The following CNTNAP2 variants were observed in gnomAD, a reference collection of about 807,000 sequenced individuals.
The protein encoded by CNTNAP2 is contactin-associated protein-like 2.
CNTNAP2 carries 98 observed loss-of-function variants against 155.2 expected under a neutral mutation model. The observed-to-expected ratio is 0.63, with a 90% confidence interval of 0.54 to 0.75. CNTNAP2 has a LOEUF of 0.75. CNTNAP2 is among the 30% of genes least tolerant of loss of function. The pLI is 0.00. For missense variants in CNTNAP2, 1,727 were observed against 1,688.1 expected, an observed-to-expected ratio of 1.02 and a Z score of -0.40; for synonymous variants, 651 against 631.2, an observed-to-expected ratio of 1.03 and a Z score of -0.47.
intron 3 of CNTNAP2, among the ~76,000 whole-genome samples, chr7:146,930,608 AC>A (rs1294370637): frequency 6.6e-6 from 1 of 151,928 alleles, no homozygotes; most frequent in Non-Finnish European, 1.5e-5. Context: ...ATGTAAATGG[AC>A]TAAATTCTCC....
chr7:146,631,981 C>A (rs932407813), intron 1 of CNTNAP2, among the ~76,000 whole-genome samples: 1 of 152,094 alleles, frequency 6.6e-6, no homozygotes, highest in African/African-American at 2.4e-5. Flanking sequence ...AAAAGTATAT[C>A]ATTTACTCCA....
At chr7:146,141,111 G>A (rs374809965) in intron 1 of CNTNAP2, among the ~76,000 whole-genome samples, 1 of 152,264 alleles carries the variant, frequency 6.6e-6, no homozygotes, top group East Asian at 1.9e-4. Flanking sequence ...TGGAGGAAAC[G>A]TACTTTGCTC....
intron 3 of CNTNAP2, among the ~76,000 whole-genome samples, chr7:147,003,549 C>A (rs1798468077): frequency 6.6e-6 from 1 of 151,780 alleles, no homozygotes; most frequent in Admixed American, 6.6e-5. Context: ...GAGTTAAAAT[C>A]TCAACTAAAA....
intron 14 of CNTNAP2, among the ~76,000 whole-genome samples, chr7:147,969,748 T>C (rs1480200439): frequency 1.3e-5 from 2 of 152,144 alleles, no homozygotes; most frequent in Non-Finnish European, 2.9e-5. Context: ...TAACTTTGGC[T>C]TGAGTTATAG....
Position 146,639,519 on chromosome 7 carries a change from C to G in CNTNAP2, c.98-134752C>G, listed in dbSNP as rs558832728. ...ACTTCAGAAGGTTAAATAAAACTTG[C>G]TTGAGTGTAAAATATATTTTCTTAC... On this transcript the variant is annotated intron_variant, in intron 1 of 23. Coordinates refer to ENST00000361727, the MANE Select transcript of CNTNAP2 (RefSeq NM_014141.6). 3.7e-4 allele frequency among the ~76,000 whole-genome samples: 56 copies of G among 152,210 alleles called. 1 individual carries two copies. The South Asian group carries it at 9.7e-3, about 26-fold the overall frequency.
intron 12 of CNTNAP2, among the ~76,000 whole-genome samples, chr7:147,632,899 T>A (rs1470013943): frequency 6.6e-6 from 1 of 152,196 alleles, no homozygotes; most frequent in Non-Finnish European, 1.5e-5. Context: ...GGAGTAAAAG[T>A]GACTCTTGCT....
intron 21 of CNTNAP2, among the ~76,000 whole-genome samples, chr7:148,350,246 TA>T (rs77169090): frequency 0.64 from 97,998 of 151,982 alleles, 32,046 homozygotes; most frequent in East Asian, 0.95. Flanking sequence ...ATTCCCAATT[TA>T]TGGTTGAAAC....
At chr7:147,994,483 C>T (rs531610575) in intron 15 of CNTNAP2, among the ~76,000 whole-genome samples, 5 of 152,140 alleles carry the variant, frequency 3.3e-5, no homozygotes, top group African/African-American at 1.2e-4. Flanking sequence ...TTCCATAATT[C>T]CCATGTGTTA....
At chr7:148,200,344 G>T (rs1483652670) in intron 18 of CNTNAP2, among the ~76,000 whole-genome samples, 1 of 151,434 alleles carries the variant, frequency 6.6e-6, no homozygotes, top group Non-Finnish European at 1.5e-5. Flanking sequence ...TTTAAATGTG[G>T]CTACAAAAGA....
intron 8 of CNTNAP2, among the ~76,000 whole-genome samples, chr7:147,199,347 A>G (rs1477348756): frequency 3.9e-5 from 6 of 152,218 alleles, no homozygotes; most frequent in Admixed American, 3.9e-4. Flanking sequence ...TGAATAATTA[A>G]TAGTATTAAA....
chr7:147,562,666 A>G (rs771593825), intron 12 of CNTNAP2, among the ~76,000 whole-genome samples: 15 of 152,216 alleles, frequency 9.9e-5, no homozygotes, highest in Non-Finnish European at 1.9e-4. Context: ...CTCCATAATG[A>G]TAGAAGAAAT....
At chr7:147,889,422 A>G (rs1305027731) in intron 13 of CNTNAP2, among the ~76,000 whole-genome samples, 2 of 152,130 alleles carry the variant, frequency 1.3e-5, no homozygotes, top group African/African-American at 4.8e-5. Context: ...TCTGAAAGAA[A>G]GATGATAGAA....
At chr7:146,471,139 G>A (rs1300203737) in intron 1 of CNTNAP2, among the ~76,000 whole-genome samples, 1 of 152,118 alleles carries the variant, frequency 6.6e-6, no homozygotes, top group Non-Finnish European at 1.5e-5. Context: ...TTGAAAACAA[G>A]CAATAAACAA....
chr7:146,702,784 C>A (rs767678021), intron 1 of CNTNAP2, among the ~76,000 whole-genome samples: 1 of 152,018 alleles, frequency 6.6e-6, no homozygotes, highest in African/African-American at 2.4e-5. Context: ...TGTTTTTAAT[C>A]AAAAATTAAT....
chr7:147,887,563 T>A (rs572859597), intron 13 of CNTNAP2, among the ~76,000 whole-genome samples: 1 of 152,276 alleles, frequency 6.6e-6, no homozygotes, highest in African/African-American at 2.4e-5. Context: ...AGGCCTAAAA[T>A]GAAGAAAAAT....
intron 1 of CNTNAP2, among the ~76,000 whole-genome samples, chr7:146,189,032 A>G (rs1798665108): frequency 6.6e-6 from 1 of 152,224 alleles, no homozygotes; most frequent in Non-Finnish European, 1.5e-5. Flanking sequence ...TATGAATTTT[A>G]TTACACAAAA....
At chr7:146,438,660 C>T (rs1796277283) in intron 1 of CNTNAP2, among the ~76,000 whole-genome samples, 1 of 151,376 alleles carries the variant, frequency 6.6e-6, no homozygotes, top group Admixed American at 6.6e-5. Context: ...TTTTCCAAGT[C>T]TTTAATTTAG....
At chr7:147,985,687 T>G (rs1302281465) in intron 15 of CNTNAP2, among the ~76,000 whole-genome samples, 1 of 152,216 alleles carries the variant, frequency 6.6e-6, no homozygotes, top group Non-Finnish European at 1.5e-5. Context: ...GTGTACTTCT[T>G]AAAAGTAAAA....
chr7:147,862,873 G>A (rs1799160719), intron 13 of CNTNAP2, among the ~76,000 whole-genome samples: 1 of 151,866 alleles, frequency 6.6e-6, no homozygotes, highest in Non-Finnish European at 1.5e-5. Flanking sequence ...ATTTCCAAAG[G>A]TATTATCCAA....
Sources: allele counts gnomAD v4.1 joint callset (sites outside exome capture counted in the v4.1 genomes callset), GRCh38; gene constraint gnomAD v4.1.1; transcripts MANE v1.5; gene names NCBI Gene and HGNC (gene_info 2026-07-23, HGNC 2026-07-21).